ATP6V0D2: variants seen among roughly 807,000 people sequenced by gnomAD.
The protein encoded by ATP6V0D2 is ATPase H+ transporting V0 subunit d2, also known as V-type proton ATPase subunit d 2.
Under a neutral mutation model 40.0 loss-of-function variants are expected in ATP6V0D2, and 40 were observed. The ratio of observed to expected loss-of-function variants is 1.00; its 90% CI spans 0.78 to 1.30. The LOEUF is 1.30. Ranked by LOEUF, ATP6V0D2 falls within the 50% of genes most tolerant of loss-of-function variation. ATP6V0D2 has a pLI of 0.00. For missense variants in ATP6V0D2, 470 were observed against 423.1 expected (o/e 1.11, Z -0.97); for synonymous variants, 179 against 156.3 (o/e 1.15, Z -1.08).
intron 7 of ATP6V0D2, among the ~76,000 whole-genome samples, 161 bp from the exon 8 acceptor site, chr8:86,152,655 T>C (rs552285877): frequency 1.5e-4 from 23 of 152,356 alleles, no homozygotes; most frequent in Non-Finnish European, 3.1e-4. Flanking sequence ...TCTTTAGAAC[T>C]TTCTGAGTTG....
rs556685484 is a variant in ATP6V0D2 at position 86,149,995 on chromosome 8, A to G, written c.640-117A>G. The G allele has an allele frequency of 1.0e-4, 95 of 941,230 alleles. No homozygotes were observed. The Middle Eastern group carries it at 1.4e-3, about 14-fold the overall frequency. The allele number at this position is 941,230 out of a possible 1,614,324, so 58.3% of individuals were successfully genotyped here. Reference sequence around the variant, plus strand: ...AATAACACATGTCTGGAGTATAATTAGACATAGATCCAGAAAGGAAAGCGA... The same window carrying G: ...AATAACACATGTCTGGAGTATAATTGGACATAGATCCAGAAAGGAAAGCGA... On this transcript the variant is annotated intron_variant, in intron 5 of 7. Transcript: ENST00000285393.
rs774964031 is a variant in ATP6V0D2 at position 86,113,880 on chromosome 8, C to T, written c.302C>T (p.Thr101Met). 11 of 1,607,256 alleles carry T rather than the reference C, an allele frequency of 6.8e-6. No individual in the cohort carries two copies. The highest frequency in any genetic ancestry group is 2.2e-5 in the East Asian group (1 of 44,746). The change falls in exon 2 of 8, where the codon ACG becomes ATG. Residue 101 changes from threonine (T) to methionine (M), a missense_variant and splice_region_variant. Transcript: ENST00000285393. ...CTCAGCACATTTCTCACCTATATGA[C>T]GTAAGTGATGACAGAAAGCCCTAAT... The part of the protein sequence containing the change: ...EPLSTFLTYM[T>M]CSYMIDNVIL...
chr8:86,150,373 T>C, intron 6 of ATP6V0D2, 85 bp downstream of exon 6: 1 of 1,331,206 alleles, frequency 7.5e-7, no homozygotes, highest in Non-Finnish European at 1.0e-6. Flanking sequence ...AATTTCCGCT[T>C]ATACTCAAAA....
chr8:86,099,151 AATG>A, intron 1 of ATP6V0D2, 43 bp downstream of exon 1: 4 of 1,552,454 alleles, frequency 2.6e-6, no homozygotes, highest in Non-Finnish European at 3.5e-6. Context: ...AAAAAAAAAA[AATG>A]AAATGATGTC....
At position 86,098,971 on chromosome 8, in the gene ATP6V0D2, C is replaced by T; in HGVS notation, c.-8C>T. ...TTTCACCCTACCTTGGCTTCAATCT[C>T]TTCCCCCATGCTCGAAGGTGCGGAG... On this transcript the variant is annotated 5_prime_UTR_variant, in exon 1 of 8. Transcript: ENST00000285393. 1 of 1,613,100 alleles carries T rather than the reference C, an allele frequency of 6.2e-7. No individual in the cohort carries two copies. The highest frequency in any genetic ancestry group is 8.5e-7 in the Non-Finnish European group (1 of 1,179,628).
intron 2 of ATP6V0D2, among the ~76,000 whole-genome samples, chr8:86,129,992 AAAAAAAGAAAAGAAAAG>A (rs1056182296): frequency 2.0e-5 from 3 of 151,266 alleles, no homozygotes; most frequent in African/African-American, 4.8e-5. Context: ...GAAAAAAAAA[AAAAAAAGAAAAGAAAAG>A]AAAAAAGAAA....
intron 5 of ATP6V0D2, among the ~76,000 whole-genome samples, chr8:86,148,221 T>A (rs1464475122): frequency 6.6e-6 from 1 of 152,028 alleles, no homozygotes; most frequent in Non-Finnish European, 1.5e-5. Flanking sequence ...CCACGAAATC[T>A]TCTTCTTCCA....
At chr8:86,139,683 G>A (rs374318102) in intron 3 of ATP6V0D2, 48 bp downstream of exon 3, 32 of 1,495,788 alleles carry the variant, frequency 2.1e-5, no homozygotes, top group Middle Eastern at 1.8e-4. Flanking sequence ...TGTTATCACA[G>A]TCATTAGAAA....
intron 3 of ATP6V0D2, among the ~76,000 whole-genome samples, chr8:86,141,195 G>T (rs111934296): frequency 1.8e-3 from 275 of 152,314 alleles, no homozygotes; most frequent in African/African-American, 6.4e-3. Flanking sequence ...GTTACTAACA[G>T]GCCACGGACT....
At chr8:86,104,828 A>G (rs540562675) in intron 1 of ATP6V0D2, among the ~76,000 whole-genome samples, 1 of 141,678 alleles carries the variant, frequency 7.1e-6, no homozygotes, top group African/African-American at 2.7e-5. Context: ...GACATATCCA[A>G]TTCTCTCCTG....
chr8:86,151,313 C>A (rs984214620), intron 6 of ATP6V0D2, among the ~76,000 whole-genome samples, 153 bp from the exon 7 acceptor site: 3 of 151,956 alleles, frequency 2.0e-5, no homozygotes, highest in African/African-American at 4.8e-5. Context: ...TTTATTGTTT[C>A]TTCGGGAGGC....
intron 1 of ATP6V0D2, among the ~76,000 whole-genome samples, chr8:86,107,276 A>G (rs1226248633): frequency 1.3e-5 from 2 of 152,168 alleles, no homozygotes; most frequent in Non-Finnish European, 2.9e-5. Flanking sequence ...AATGAATTTA[A>G]AAAGGGAAAA....
chr8:86,126,463 G>A (rs1328711575), intron 2 of ATP6V0D2, among the ~76,000 whole-genome samples: 2 of 151,408 alleles, frequency 1.3e-5, no homozygotes, highest in Non-Finnish European at 2.9e-5. Flanking sequence ...AAATAACTAT[G>A]TTTGAAATGA....
chr8:86,099,224 G>T, intron 1 of ATP6V0D2, 116 bp downstream of exon 1: 2 of 1,136,830 alleles, frequency 1.8e-6, no homozygotes, highest in South Asian at 2.3e-5. Context: ...GTTCTGAGCA[G>T]ATCCTTATTC....
intron 5 of ATP6V0D2, among the ~76,000 whole-genome samples, chr8:86,143,756 T>C (rs1442556170): frequency 6.6e-6 from 1 of 152,166 alleles, no homozygotes; most frequent in African/African-American, 2.4e-5. Context: ...TGCAGCCCAG[T>C]AGGTCTCAGC....
At chr8:86,142,705 C>A (rs1361218913) in intron 4 of ATP6V0D2, among the ~76,000 whole-genome samples, 172 bp from the exon 5 acceptor site, 4 of 152,140 alleles carry the variant, frequency 2.6e-5, no homozygotes, top group Non-Finnish European at 5.9e-5. Flanking sequence ...TTAGACTGTG[C>A]AACATGCTGC....
intron 1 of ATP6V0D2, among the ~76,000 whole-genome samples, chr8:86,108,041 A>G (rs764493612): frequency 2.6e-5 from 4 of 152,198 alleles, no homozygotes; most frequent in Non-Finnish European, 4.4e-5. Context: ...TTCCTTAGCA[A>G]TTTATTTTGG....
intron 4 of ATP6V0D2, among the ~76,000 whole-genome samples, chr8:86,141,858 A>G (rs1818979220): frequency 6.6e-6 from 1 of 152,222 alleles, no homozygotes; most frequent in South Asian, 2.1e-4. Flanking sequence ...TAAAGCAACC[A>G]GCATACATAG....
intron 2 of ATP6V0D2, among the ~76,000 whole-genome samples, chr8:86,129,855 T>C (rs1309166387): frequency 6.6e-6 from 1 of 151,002 alleles, no homozygotes; most frequent in Non-Finnish European, 1.5e-5. Flanking sequence ...TGCATGCCTG[T>C]AGCCGCAGTT....
Sources: gnomAD v4.1 joint callset for allele counts (sites outside exome capture counted in the v4.1 genomes callset) on GRCh38, gnomAD v4.1.1 for gene constraint, MANE v1.5 for transcripts, NCBI Gene and HGNC (gene_info 2026-07-23, HGNC 2026-07-21) for gene names.